SLF2: variants seen among roughly 807,000 people sequenced by gnomAD.
SLF2 encodes the protein SMC5-SMC6 complex localization factor protein 2.
Under a neutral mutation model 124.3 loss-of-function variants are expected in SLF2, and 68 were observed. That is an observed-to-expected ratio of 0.55 (90% CI 0.45 to 0.67). The LOEUF is 0.67. Among genes scored for constraint, SLF2 ranks in the 30% least tolerant of loss-of-function variants. The pLI is 0.00. For synonymous variants in SLF2, 480 were observed against 478.8 expected, an observed-to-expected ratio of 1.00 and a Z score of -0.03; for missense variants, 1,246 against 1,373.7, an observed-to-expected ratio of 0.91 and a Z score of 1.47.
rs535026802 is a variant in SLF2, at chr10:100,916,641, A to G, written c.256A>G (p.Thr86Ala). 4 of 1,518,548 alleles carry G rather than the reference A, an allele frequency of 2.6e-6. No homozygotes were observed. In the South Asian group the frequency reaches 5.5e-5, roughly 21 times the overall value. The allele number at this position is 1,518,548 out of a possible 1,614,324, so 94.1% of individuals were successfully genotyped here. The part of the protein sequence containing the change: ...YGGSRLSITG[T>A]EQFERKLSSP... Reference sequence around the variant, plus strand: ...AGGAAGTAGATTGTCTATCACTGGGACAGAGCAGTTTGAAAGGAAACTATC... The same window carrying G: ...AGGAAGTAGATTGTCTATCACTGGGGCAGAGCAGTTTGAAAGGAAACTATC... The change falls in exon 3 of 20, where the codon ACA becomes GCA. Residue 86 changes from threonine to alanine, a missense_variant. By Grantham distance (58) the Thr-to-Ala change is moderately conservative. Transcript: ENST00000238961.
At chr10:100,941,882 G>A (rs1055218331) in intron 11 of SLF2, among the ~76,000 whole-genome samples, 9 of 152,226 alleles carry the variant, frequency 5.9e-5, no homozygotes, top group East Asian at 1.9e-4. Context: ...AGGAAGGGGC[G>A]CAAAGAAGTA....
At chr10:100,938,906 A>G (rs1297952133) in intron 11 of SLF2, among the ~76,000 whole-genome samples, 170 bp downstream of exon 11, 1 of 152,246 alleles carries the variant, frequency 6.6e-6, no homozygotes, top group Non-Finnish European at 1.5e-5. Context: ...AGCCATCATC[A>G]TGTTTAGCAG....
chr10:100,949,636 C>G (rs1426983203), intron 15 of SLF2, among the ~76,000 whole-genome samples: 1 of 151,532 alleles, frequency 6.6e-6, no homozygotes, highest in East Asian at 1.9e-4. Context: ...TGCTCTGTCA[C>G]CCAGGCTGGA....
Position 100,913,129 on chromosome 10 carries a change from C to A in SLF2, c.19C>A (p.Pro7Thr), listed in dbSNP as rs199543953. The change falls in exon 1 of 20, where the codon CCC (proline) becomes ACC (threonine). Residue 7 changes from proline to threonine, a missense_variant. Pro to Thr is a conservative substitution (Grantham distance 38, BLOSUM62 -1). Coordinates refer to ENST00000238961, the MANE Select transcript of SLF2 (RefSeq NM_018121.4). Reference protein sequence around the residue: MTRRCMPARPGFPSSPA... With the variant: MTRRCMTARPGFPSSPA... ...CGCCGACATGACAAGGCGCTGCATG[C>A]CCGCTAGGCCAGGTTTCCCCTCATC... 5.6e-6 allele frequency: 9 copies of A among 1,612,814 alleles called. No homozygotes were observed. The East Asian group carries it at 2.0e-4, about 36-fold the overall frequency.
At chr10:100,915,866 T>TA in intron 1 of SLF2, 133 bp from the exon 2 acceptor site, 1 of 683,228 alleles carries the variant, frequency 1.5e-6, no homozygotes, top group Non-Finnish European at 2.5e-6. Flanking sequence ...AAAGCATTGT[T>TA]ACCATTGTCA....
In SLF2 at chr10:100,938,595, A is replaced by T. The variant is rs749628820; in HGVS notation, c.2513A>T (p.Asp838Val). 1.2e-6 allele frequency: 2 copies of T among 1,606,022 alleles called. No homozygotes were observed. The highest frequency in any genetic ancestry group is 1.7e-5 in the Admixed American group (1 of 57,692). ...STLMEITIRN[D>V]TFSDSPVWPW... is the part of the protein sequence containing the mutation. ...TGAAATGTTTTCTTCTGTTAATTAGATACCTTCAGTGACTCACCAGTTTGG... is the reference window on the plus strand; with the variant it reads ...TGAAATGTTTTCTTCTGTTAATTAGTTACCTTCAGTGACTCACCAGTTTGG... Residue 838 changes from aspartate to valine, a missense_variant and splice_region_variant, in exon 11 of 20, where the codon GAT (aspartate) becomes GTT (valine). Coordinates refer to ENST00000238961, the MANE Select transcript of SLF2 (RefSeq NM_018121.4).
chr10:100,947,968 G>C (rs1019888772), intron 15 of SLF2, 121 bp downstream of exon 15: 13 of 615,082 alleles, frequency 2.1e-5, no homozygotes, highest in Non-Finnish European at 3.6e-5. Context: ...GCTTGATACT[G>C]TTCATGTAAT....
chr10:100,959,277 G>A, intron 18 of SLF2, 151 bp from the exon 19 acceptor site: 1 of 582,690 alleles, frequency 1.7e-6, no homozygotes, highest in East Asian at 2.9e-5. Context: ...TTCAAAAGAT[G>A]AGTAGTTTAT....
At chr10:100,913,371 G>T in intron 1 of SLF2, 121 bp downstream of exon 1, 1 of 1,368,428 alleles carries the variant, frequency 7.3e-7, no homozygotes, top group East Asian at 3.0e-5. Context: ...TTGGCATTTC[G>T]GGGCCTGGCA....
chr10:100,962,901 A>T lies in SLF2; in HGVS notation c.*989A>T, dbSNP rs1388193716. On this transcript the variant is annotated 3_prime_UTR_variant, in exon 20 of 20. Coordinates refer to ENST00000238961, the MANE Select transcript of SLF2 (RefSeq NM_018121.4). Reference sequence around the variant, plus strand: ...TATCTTGAAGTTGTTGCACTTCAAAACCACAGCTGCTGTAAATTCTTAAAC... The same window carrying T: ...TATCTTGAAGTTGTTGCACTTCAAATCCACAGCTGCTGTAAATTCTTAAAC... 6.6e-6 allele frequency: 1 copy of T among 152,466 alleles called. No homozygotes were observed. The highest frequency in any genetic ancestry group is 1.5e-5 in the Non-Finnish European group (1 of 68,034). The allele number at this position is 152,466 out of a possible 1,614,324, so 9.4% of individuals were successfully genotyped here.
intron 15 of SLF2, 93 bp from the exon 16 acceptor site, chr10:100,949,983 C>CA: frequency 8.2e-7 from 1 of 1,217,638 alleles, no homozygotes. Context: ...AATAAAAGGA[C>CA]AAAATGAAAG....
In SLF2 at chr10:100,964,207, A is replaced by G. The variant is rs970602628; in HGVS notation, c.*2295A>G. ...AGAGAGGGAGAAATGTTCATTGCAC[A>G]GAGAATGTCAGGCCACTTTGGGGAC... On this transcript the variant is annotated 3_prime_UTR_variant, in exon 20 of 20. Transcript: ENST00000238961. 6.6e-6 allele frequency: 1 copy of G among 152,660 alleles called. No homozygotes were observed. Among genetic ancestry groups the G allele is most frequent in the Non-Finnish European group, 1.5e-5 (1 of 68,038 alleles). 9.5% of individuals were successfully genotyped at this position (152,660 alleles called of 1,614,324 possible). A position where few individuals can be genotyped will look rare whatever the true frequency, so the allele number is the denominator to read the frequency against.
chr10:100,936,483 G>A (rs543192444), intron 9 of SLF2, among the ~76,000 whole-genome samples: 173 of 151,952 alleles, frequency 1.1e-3, no homozygotes, highest in African/African-American at 3.9e-3. Flanking sequence ...ACAGGAACCC[G>A]CCACCACGCC....
At chr10:100,959,047 C>A (rs1002242052) in intron 18 of SLF2, among the ~76,000 whole-genome samples, 1 of 152,160 alleles carries the variant, frequency 6.6e-6, no homozygotes, top group Non-Finnish European at 1.5e-5. Flanking sequence ...AGGGAAGGCA[C>A]AGAACAGCCA....
At chr10:100,934,635 CAG>C (rs1358136455) in intron 9 of SLF2, among the ~76,000 whole-genome samples, 5 of 151,752 alleles carry the variant, frequency 3.3e-5, no homozygotes, top group African/African-American at 9.7e-5. Context: ...TATTTTGAGA[CAG>C]AGTCTCTCTT....
Position 100,929,814 on chromosome 10 carries a change from T to C in SLF2, c.2166-16T>C. 6.4e-7 allele frequency: 1 copy of C among 1,553,782 alleles called. No homozygotes were observed. Among genetic ancestry groups the C allele is most frequent in the South Asian group, 1.2e-5 (1 of 82,190 alleles). ...GTGTAACAATTTGGTATTGATTGAC[T>C]TTTTTTATGTTTCAGGGAATTTCTA... On this transcript the variant is annotated splice_polypyrimidine_tract_variant and intron_variant, in intron 7 of 19. Coordinates refer to ENST00000238961, the MANE Select transcript of SLF2 (RefSeq NM_018121.4).
Position 100,928,834 on chromosome 10 carries a change from C to T in SLF2, c.2043-483C>T, listed in dbSNP as rs75347932. Among the ~76,000 whole-genome samples the T allele has an allele frequency of 1.4e-4, 22 of 152,238 alleles. No homozygotes were observed. In the East Asian group the frequency reaches 3.7e-3, roughly 25 times the overall value. ...CAGTGCCTGTCACATATTAAGTGCT[C>T]GGTAAATGTTAGGTGTTGTGATGAT... On this transcript the variant is annotated intron_variant, in intron 6 of 19. Transcript: ENST00000238961.
Position 100,924,754 on chromosome 10 carries a change from A to G in SLF2, c.1753A>G (p.Asn585Asp), listed in dbSNP as rs763332897. 1.2e-6 allele frequency: 2 copies of G among 1,614,172 alleles called. No individual in the cohort carries two copies. Among genetic ancestry groups the G allele is most frequent in the South Asian group, 2.2e-5 (2 of 91,086 alleles). ...KAPSEGESSG[N>D]SNAGSSALKR... is the part of the protein sequence containing the mutation. Reference sequence around the variant, plus strand: ...CCCTTCAGAAGGAGAGAGTTCAGGAAATTCCAATGCAGGTAGCAGTGCACT... The same window carrying G: ...CCCTTCAGAAGGAGAGAGTTCAGGAGATTCCAATGCAGGTAGCAGTGCACT... Residue 585 changes from asparagine (N) to aspartate (D), a missense_variant, in exon 5 of 20, where the codon AAT becomes GAT. This residue lies in a region of SLF2 where 698 missense variants were observed against 708.9 expected (regional missense o/e 0.98). Transcript: ENST00000238961.
rs1378613985 is a variant in SLF2, at chr10:100,947,024, G to C, written c.2935-15G>C. ...TTCTGTTTGAAAAGAAATCTTACAT[G>C]TTCTTTTTTTTCAGGTGCCTGAACT... On this transcript the variant is annotated splice_polypyrimidine_tract_variant and intron_variant, in intron 13 of 19. Transcript: ENST00000238961. 6.3e-6 allele frequency: 10 copies of C among 1,596,756 alleles called. No individual in the cohort carries two copies. Among genetic ancestry groups the C allele is most frequent in the African/African-American group, 1.3e-5 (1 of 74,582 alleles).
Sources: allele counts gnomAD v4.1 joint callset (sites outside exome capture counted in the v4.1 genomes callset), GRCh38; gene constraint gnomAD v4.1.1; regional missense constraint gnomAD v4.1.1; transcripts MANE v1.5; gene names NCBI Gene and HGNC (gene_info 2026-07-23, HGNC 2026-07-21).